The following IL13RA1 variants were observed in gnomAD, a reference collection of about 807,000 sequenced individuals.
IL13RA1 encodes the protein interleukin 13 receptor subunit alpha 1, also known as interleukin-13 receptor subunit alpha-1.
A neutral mutation model predicts 33.8 loss-of-function variants in IL13RA1; 14 were observed. The observed-to-expected ratio is 0.41, with a 90% CI of 0.27 to 0.65. The LOEUF (loss-of-function observed/expected upper bound fraction) is 0.65. IL13RA1 is among the 30% of genes least tolerant of loss of function. The pLI is 0.28. For synonymous variants in IL13RA1, 116 were observed against 115.7 expected (o/e 1.00, Z -0.02); for missense variants, 313 against 327.0 (o/e 0.96, Z 0.33).
chrX:118,795,584 G>A (rs1361179294), downstream of IL13RA1, among the ~76,000 whole-genome samples: 2 of 112,346 alleles, frequency 1.8e-5, no homozygotes, highest in Non-Finnish European at 3.8e-5. Context: ...CACATCAACA[G>A]TGAGTATTAC....
intron 10 of IL13RA1, among the ~76,000 whole-genome samples, chrX:118,789,549 C>T (rs2017955523): frequency 8.9e-6 from 1 of 111,754 alleles, no homozygotes; most frequent in South Asian, 3.7e-4. Context: ...TCTTGTTCCA[C>T]GTCCATTTTT....
chrX:118,802,390 T>C, the IL13RA1 span, among the ~76,000 whole-genome samples: 1 of 112,265 alleles, frequency 8.9e-6, no homozygotes, highest in Non-Finnish European at 1.9e-5. Context: ...TGGGGGGCGA[T>C]GTTAAAGCTA....
At chrX:118,745,996 C>T (rs762464748) in intron 2 of IL13RA1, among the ~76,000 whole-genome samples, 1 of 111,828 alleles carries the variant, frequency 8.9e-6, no homozygotes, top group African/African-American at 3.2e-5. Flanking sequence ...GCACATATAG[C>T]AATGTTTGAA....
intron 2 of IL13RA1, among the ~76,000 whole-genome samples, chrX:118,744,789 A>G (rs899512241): frequency 8.9e-6 from 1 of 112,026 alleles, no homozygotes; most frequent in African/African-American, 3.2e-5. Context: ...TAACTGGAAC[A>G]ATGTCCATTA....
Position 118,748,006 on chromosome X carries a change from TGTG to T in IL13RA1, c.367+915_367+917del, listed in dbSNP as rs1461347145. On this transcript the variant is annotated intron_variant, in intron 3 of 10. Transcript: ENST00000371666. ...ATAGTGCCTGGCAAAGAGTGAATGT[TGTG>T]TGTGTGTGTGTGTGTGTGTGTGTGT... 3.8e-3 allele frequency among the ~76,000 whole-genome samples: 37 copies of T among 9,659 alleles called. 4 individuals carry two copies. Among genetic ancestry groups the T allele is most frequent in the Admixed American group, 0.019 (33 of 1,759 alleles). 8.4% of individuals were successfully genotyped at this position (9,659 alleles called of 115,157 possible).
intron 10 of IL13RA1, among the ~76,000 whole-genome samples, chrX:118,782,423 G>A (rs1175657757): frequency 9.0e-6 from 1 of 111,209 alleles, no homozygotes; most frequent in Non-Finnish European, 1.9e-5. Context: ...GCTGCTTTCA[G>A]TCATCAACTG....
the IL13RA1 span, among the ~76,000 whole-genome samples, chrX:118,800,477 C>T: frequency 9.0e-6 from 1 of 110,807 alleles, no homozygotes; most frequent in Non-Finnish European, 1.9e-5. Context: ...CCGCCAAGGT[C>T]TGCAGCTTCA....
At chrX:118,746,669 G>A (rs990306484) in intron 2 of IL13RA1, among the ~76,000 whole-genome samples, 3 of 110,137 alleles carry the variant, frequency 2.7e-5, no homozygotes, top group Admixed American at 9.8e-5. Flanking sequence ...TAGGAGGAGG[G>A]GGGCTGTTGT....
At chrX:118,747,363 ACACACT>A (rs1165556700) in intron 3 of IL13RA1, among the ~76,000 whole-genome samples, 1 of 110,208 alleles carries the variant, frequency 9.1e-6, no homozygotes, top group Non-Finnish European at 1.9e-5. Flanking sequence ...GCGCGCACAC[ACACACT>A]CACACACACA....
intron 4 of IL13RA1, among the ~76,000 whole-genome samples, chrX:118,753,989 A>C (rs1426648561): frequency 8.9e-6 from 1 of 112,671 alleles, no homozygotes; most frequent in Middle Eastern, 4.2e-3. Flanking sequence ...TAGTCTCGCC[A>C]ACCACTTTCA....
intron 10 of IL13RA1, among the ~76,000 whole-genome samples, chrX:118,779,411 G>T (rs762813299): frequency 9.0e-6 from 1 of 111,731 alleles, no homozygotes; most frequent in African/African-American, 3.2e-5. Context: ...AGCATTTAAT[G>T]TTATAACAAA....
intron 9 of IL13RA1, 73 bp downstream of exon 9, chrX:118,774,048 G>T: frequency 1.8e-6 from 1 of 548,047 alleles, no homozygotes. Flanking sequence ...TTTAGTGCTT[G>T]TGTTTTATGT....
intron 9 of IL13RA1, among the ~76,000 whole-genome samples, chrX:118,774,544 A>G (rs1364242641): frequency 1.8e-5 from 2 of 112,498 alleles, no homozygotes; most frequent in African/African-American, 6.5e-5. Flanking sequence ...GGATTGTTGA[A>G]TAGGTCCTAT....
chrX:118,799,563 C>A, the IL13RA1 span, among the ~76,000 whole-genome samples: 1 of 108,976 alleles, frequency 9.2e-6, no homozygotes, highest in Non-Finnish European at 1.9e-5. Flanking sequence ...ATGTGGAGAA[C>A]CTTTATGTCT....
chrX:118,738,497 G>A (rs908860792), intron 1 of IL13RA1, among the ~76,000 whole-genome samples: 4 of 111,747 alleles, frequency 3.6e-5, no homozygotes, highest in Non-Finnish European at 3.8e-5. Flanking sequence ...TCTTGCATTA[G>A]ATCACTTAGG....
chrX:118,761,624 C>G (rs183607274), intron 6 of IL13RA1: 1 of 127,819 alleles, frequency 7.8e-6, no homozygotes, highest in East Asian at 2.2e-4. Flanking sequence ...TGACACCTGA[C>G]AAGTTTTTTT....
rs2017202743 is a variant in IL13RA1 at position 118,730,377 on chromosome X, T to TA, written c.88+2652dup. 2.7e-5 allele frequency among the ~76,000 whole-genome samples: 3 copies of TA among 112,014 alleles called. No homozygotes were observed. The South Asian group carries it at 1.1e-3, about 41-fold the overall frequency. ...GCTGTGTGGTCCAAACAACTAGTAC[T>TA]ATAGGCATTCAAAAGAGAAAAAGCT... On this transcript the variant is annotated intron_variant, in intron 1 of 10. Transcript: ENST00000371666.
At chrX:118,764,643 G>T (rs760638520) in intron 6 of IL13RA1, among the ~76,000 whole-genome samples, 1 of 111,570 alleles carries the variant, frequency 9.0e-6, no homozygotes, top group South Asian at 3.8e-4. Context: ...AAGTTTAAAC[G>T]TCTCTTTGAT....
Position 118,766,527 on chromosome X carries a change from A to C in IL13RA1, c.829-3A>C, listed in dbSNP as rs371971530. 7.5e-5 allele frequency: 73 copies of C among 967,631 alleles called. No homozygotes were observed. In the African/African-American group the frequency reaches 1.1e-3, roughly 14 times the overall value. 79.7% of individuals were successfully genotyped at this position (967,631 alleles called of 1,213,427 possible). On this transcript the variant is annotated splice_polypyrimidine_tract_variant and splice_region_variant and intron_variant, in intron 6 of 10. Coordinates refer to ENST00000371666, the MANE Select transcript of IL13RA1 (RefSeq NM_001560.3). ...AGTTTATTTATTTATTTTTATTTTCAAGGTCCAAGAGGCTAAATGTGAGAA... is the reference window on the plus strand; with the variant it reads ...AGTTTATTTATTTATTTTTATTTTCCAGGTCCAAGAGGCTAAATGTGAGAA...
Sources: allele counts gnomAD v4.1 joint callset (sites outside exome capture counted in the v4.1 genomes callset), GRCh38; gene constraint gnomAD v4.1.1; transcripts MANE v1.5; gene names NCBI Gene and HGNC (gene_info 2026-07-23, HGNC 2026-07-21).